Variants in ZNF565 observed in about 807,000 individuals in gnomAD.
ZNF565 encodes zinc finger protein 565.
A neutral mutation model predicts 39.4 loss-of-function variants in ZNF565; 27 were observed. That is an observed-to-expected ratio of 0.69 (90% CI 0.51 to 0.95). The LOEUF (loss-of-function observed/expected upper bound fraction) is 0.95, where lower values mean the gene tolerates loss of function less well. ZNF565 is among the 40% of genes least tolerant of loss of function. The pLI is 0.00. For missense variants in ZNF565, 524 were observed against 621.1 expected, an observed-to-expected ratio of 0.84 and a Z score of 1.66; for synonymous variants, 185 against 216.6, an observed-to-expected ratio of 0.85 and a Z score of 1.28.
chr19:36,221,016 C>G (rs1426783603), intron 1 of ZNF565, among the ~76,000 whole-genome samples: 1 of 151,772 alleles, frequency 6.6e-6, no homozygotes, highest in African/African-American at 2.4e-5. Context: ...TGACGCCTAG[C>G]TAATTTTTGT....
Position 36,237,413 on chromosome 19 carries a change from C to T in ZNF565, c.55+8063G>A, listed in dbSNP as rs1977684500. ...ATAATCCTTCTGAAGCAAAGCACCA[C>T]GAATGAGGTTAACTTTAACAAGTAC... is the stretch of plus-strand genomic sequence containing the variant. On this transcript the variant is annotated intron_variant, in intron 1 of 4. Transcript: ENST00000355114. The T allele has an allele frequency of 1.0e-5, 15 of 1,436,800 alleles. No individual in the cohort carries two copies. The East Asian group carries it at 1.2e-4, about 11-fold the overall frequency. 89.0% of individuals were successfully genotyped at this position (1,436,800 alleles called of 1,614,324 possible).
chr19:36,183,112 CCA>C lies in ZNF565; in HGVS notation c.852_853del (p.Cys284TrpfsTer24), dbSNP rs1568407977. ...TTGGGAGCCACGAATGAAAGCCTTGCCACAGTCTTTACATACGTAGGGTTTCT... is the reference window on the plus strand; with the variant it reads ...TTGGGAGCCACGAATGAAAGCCTTGCCAGTCTTTACATACGTAGGGTTTCT... On this transcript the variant is annotated frameshift_variant, in exon 5 of 5. Transcript: ENST00000304116. LOFTEE classifies it high-confidence loss of function. 9 of 1,614,112 alleles carry C rather than the reference CCA, an allele frequency of 5.6e-6. No individual in the cohort carries two copies. Among genetic ancestry groups the C allele is most frequent in the Non-Finnish European group, 7.6e-6 (9 of 1,180,022 alleles).
At chr19:36,243,033 T>TTTTG (rs559444538) in intron 1 of ZNF565, among the ~76,000 whole-genome samples, 1 of 152,106 alleles carries the variant, frequency 6.6e-6, no homozygotes, top group Non-Finnish European at 1.5e-5. Context: ...GTTTTGGTCT[T>TTTTG]TTTGTTTGTT....
chr19:36,231,408 C>T (rs1977364452), intron 1 of ZNF565, among the ~76,000 whole-genome samples: 1 of 152,092 alleles, frequency 6.6e-6, no homozygotes, highest in Non-Finnish European at 1.5e-5. Context: ...CAGTTTTCAC[C>T]ATGTTGGCCA....
chr19:36,240,312 T>A (rs1338196957), intron 1 of ZNF565, among the ~76,000 whole-genome samples: 1 of 152,200 alleles, frequency 6.6e-6, no homozygotes, highest in Non-Finnish European at 1.5e-5. Flanking sequence ...TCCCAGCCAC[T>A]TGGGAGGGTG....
intron 1 of ZNF565, among the ~76,000 whole-genome samples, chr19:36,221,284 CTTTTTTTTT>C (rs74172797): frequency 8.3e-4 from 82 of 98,690 alleles, no homozygotes; most frequent in African/African-American, 3.4e-3. Context: ...TAAGGGACTG[CTTTTTTTTT>C]TTTTTTTTTT....
chr19:36,184,828 A>G (rs1024089332), intron 4 of ZNF565, among the ~76,000 whole-genome samples: 1 of 152,086 alleles, frequency 6.6e-6, no homozygotes, highest in Non-Finnish European at 1.5e-5. Context: ...ATTAAGAATT[A>G]ATTCCAAAGG....
At chr19:36,235,444 G>A (rs1977611523) in intron 1 of ZNF565, among the ~76,000 whole-genome samples, 1 of 152,072 alleles carries the variant, frequency 6.6e-6, no homozygotes, top group Admixed American at 6.6e-5. Flanking sequence ...TCATAATTTA[G>A]TTGGAAGCAT....
chr19:36,232,626 C>T (rs1467443624), intron 1 of ZNF565, among the ~76,000 whole-genome samples: 5 of 147,310 alleles, frequency 3.4e-5, no homozygotes, highest in East Asian at 2.0e-4. Context: ...TTTTTTTTCC[C>T]GAGACATAGT....
Position 36,245,487 on chromosome 19 carries a change from C to T in ZNF565, c.44G>A (p.Arg15His), listed in dbSNP as rs772441688. The T allele has an allele frequency of 1.4e-6, 1 of 702,332 alleles. No individual in the cohort carries two copies. Among genetic ancestry groups the T allele is most frequent in the South Asian group, 1.5e-5 (1 of 67,590 alleles). 43.5% of individuals were successfully genotyped at this position (702,332 alleles called of 1,614,324 possible). A position where few individuals can be genotyped will look rare whatever the true frequency, so the allele number is the denominator to read the frequency against. Residue 15 changes from arginine to histidine, a missense_variant, in exon 1 of 5, where the codon CGC becomes CAC. Transcript: ENST00000355114. This position sits in a 1 kb window ranked among gnomAD's most constrained non-coding sequence, Gnocchi z 4.4. ...ATCTAGGAGGTTACCTGCGTCCAGG[C>T]GGTGACTTGCGAGGGACCACCTTTC...
In ZNF565 at chr19:36,183,654, G is replaced by A. The variant is rs756088425; in HGVS notation, c.312C>T (p.Ser104=). 3 of 1,613,940 alleles carry A rather than the reference G, an allele frequency of 1.9e-6. No homozygotes were observed. The highest frequency in any genetic ancestry group is 3.3e-5 in the Admixed American group (2 of 59,940). The change falls in exon 5 of 5, where the codon AGC becomes AGT. Residue 104 remains serine (S), a synonymous_variant. Coordinates refer to ENST00000304116, the MANE Select transcript of ZNF565 (RefSeq NM_152477.5). ...AGCCCTCCAGGTCACTGCATTTAAG[G>A]CTTTCCATTATCTCCCAGTTGAATG... ...IGAFNWEIME[S]LKCSDLEGSD...
rs143745156 is a variant in ZNF565 at position 36,204,151 on chromosome 19, T to C, written c.-65-2101A>G. On this transcript the variant is annotated intron_variant, in intron 1 of 4. Coordinates refer to ENST00000304116, the MANE Select transcript of ZNF565 (RefSeq NM_152477.5). ...TTTTGGTACAGATTGGGTTTTGCCA[T>C]GTTGGCCAGGCTGGTCTTGAACTCC... is the stretch of plus-strand genomic sequence containing the variant. Among the ~76,000 whole-genome samples, 401 of 152,030 alleles carry C rather than the reference T, an allele frequency of 2.6e-3. 3 individuals carry two copies. The highest frequency in any genetic ancestry group is 8.9e-3 in the African/African-American group (371 of 41,474).
rs563045112 is a variant in ZNF565 at position 36,193,026 on chromosome 19, C to T, written c.232+1207G>A. Among the ~76,000 whole-genome samples the T allele has an allele frequency of 5.9e-3, 890 of 151,578 alleles. 1 individual carries two copies. The highest frequency in any genetic ancestry group is 8.0e-3 in the Admixed American group (121 of 15,180). Reference sequence around the variant, plus strand: ...TTGTTTGTTTTTTGAGATGGAGTCTCGCTCTGTCGCCCAGGCTGGAGTGCA... The same window carrying T: ...TTGTTTGTTTTTTGAGATGGAGTCTTGCTCTGTCGCCCAGGCTGGAGTGCA... On this transcript the variant is annotated intron_variant, in intron 4 of 4. Coordinates refer to ENST00000304116, the MANE Select transcript of ZNF565 (RefSeq NM_152477.5).
At chr19:36,207,110 G>A (rs1976185063) in intron 1 of ZNF565, among the ~76,000 whole-genome samples, 3 of 152,172 alleles carry the variant, frequency 2.0e-5, no homozygotes, top group Admixed American at 1.3e-4. Context: ...TGGAACATGC[G>A]AGACGAAGAG....
intron 1 of ZNF565, among the ~76,000 whole-genome samples, chr19:36,213,707 T>G (rs1486147356): frequency 6.7e-6 from 1 of 148,870 alleles, no homozygotes. Context: ...TTTTTTTTTT[T>G]GTACAGGCCA....
chr19:36,232,707 C>T (rs1421867765), intron 1 of ZNF565, among the ~76,000 whole-genome samples: 1 of 150,670 alleles, frequency 6.6e-6, no homozygotes, highest in Non-Finnish European at 1.5e-5. Flanking sequence ...CTCCCGGTTT[C>T]AAGTGATTCT....
At chr19:36,202,391 C>T (rs954572472) in intron 1 of ZNF565, among the ~76,000 whole-genome samples, 2 of 18,326 alleles carry the variant, frequency 1.1e-4, no homozygotes, top group Non-Finnish European at 5.3e-4. Context: ...AAAAACAAAA[C>T]AACAACAACA....
chr19:36,242,846 G>A (rs1211217593), intron 1 of ZNF565, among the ~76,000 whole-genome samples: 1 of 152,212 alleles, frequency 6.6e-6, no homozygotes, highest in Non-Finnish European at 1.5e-5. Context: ...TGTAAGTCCA[G>A]TATCTGTTTC....
chr19:36,215,709 G>A (rs1263598728), upstream of ZNF565, among the ~76,000 whole-genome samples: 1 of 151,794 alleles, frequency 6.6e-6, no homozygotes, highest in East Asian at 1.9e-4. Flanking sequence ...TAGTTTCGGG[G>A]TGCCTACTTC....
Sources: gnomAD v4.1 joint callset for allele counts (sites outside exome capture counted in the v4.1 genomes callset) on GRCh38, gnomAD v4.1.1 for gene constraint, Gnocchi (gnomAD v3.1) non-coding constraint, MANE v1.5 for transcripts, NCBI Gene and HGNC (gene_info 2026-07-23, HGNC 2026-07-21) for gene names.